COL25A1: variants seen among roughly 807,000 people sequenced by gnomAD.
The protein encoded by COL25A1 is collagen alpha-1(XXV) chain.
Under a neutral mutation model 128.4 loss-of-function variants are expected in COL25A1, and 103 were observed. The ratio of observed to expected loss-of-function variants is 0.80; its 90% confidence interval spans 0.68 to 0.94. The LOEUF (loss-of-function observed/expected upper bound fraction) is 0.94, where lower values mean the gene tolerates loss of function less well. COL25A1 is among the 40% of genes least tolerant of loss of function. The pLI, the probability that COL25A1 is intolerant of heterozygous loss-of-function variation, is 0.00. For missense variants in COL25A1, 745 were observed against 840.0 expected (o/e 0.89, Z 1.40); for synonymous variants, 279 against 277.2 (o/e 1.01, Z -0.06).
At chr4:108,926,040 T>A (rs867271526) in intron 11 of COL25A1, among the ~76,000 whole-genome samples, 1 of 152,300 alleles carries the variant, frequency 6.6e-6, no homozygotes, top group African/African-American at 2.4e-5. Context: ...GGCTGTACTT[T>A]CCAGTTTGTG....
chr4:109,060,820 C>T (rs1402895064), intron 3 of COL25A1, among the ~76,000 whole-genome samples: 1 of 152,116 alleles, frequency 6.6e-6, no homozygotes, highest in Non-Finnish European at 1.5e-5. Context: ...GTCCTTCCCT[C>T]ACATTCTTGT....
chr4:109,016,347 C>T (rs753072079), intron 5 of COL25A1, among the ~76,000 whole-genome samples: 8 of 152,226 alleles, frequency 5.3e-5, no homozygotes, highest in South Asian at 2.1e-4. Flanking sequence ...CTGAGGGCAG[C>T]GCAGTGCAGG....
intron 4 of COL25A1, among the ~76,000 whole-genome samples, chr4:109,049,511 T>G (rs1375101913): frequency 6.6e-6 from 1 of 152,208 alleles, no homozygotes; most frequent in Non-Finnish European, 1.5e-5. Context: ...GTTTCAAGTT[T>G]TGCCTTGGCC....
intron 3 of COL25A1, among the ~76,000 whole-genome samples, chr4:109,254,509 A>ATATACATATACATATATATATATATGTG (rs59126671): frequency 9.6e-6 from 1 of 104,534 alleles, no homozygotes; most frequent in African/African-American, 3.7e-5. Context: ...ATATATATGT[A>ATATACATATACATATATATATATATGTG]TGTGTGTATA....
intron 3 of COL25A1, among the ~76,000 whole-genome samples, chr4:109,274,535 C>G (rs2126268197): frequency 6.6e-6 from 1 of 152,176 alleles, no homozygotes; most frequent in South Asian, 2.1e-4. Context: ...TGTTGAATAT[C>G]TGGAACATAT....
intron 5 of COL25A1, among the ~76,000 whole-genome samples, chr4:109,024,588 A>AT (rs1256939211): frequency 1.3e-5 from 2 of 152,068 alleles, no homozygotes; most frequent in Non-Finnish European, 2.9e-5. Flanking sequence ...ATAAGTAAAT[A>AT]TTTTTATTAT....
At chr4:109,070,543 T>TTTTTTTATTATAC (rs1273536923) in intron 3 of COL25A1, among the ~76,000 whole-genome samples, 2 of 152,180 alleles carry the variant, frequency 1.3e-5, no homozygotes, top group African/African-American at 4.8e-5. Flanking sequence ...CTACTATTTC[T>TTTTTTTATTATAC]TTTTTTATTA....
intron 3 of COL25A1, among the ~76,000 whole-genome samples, chr4:109,245,309 G>T (rs573677800): frequency 6.6e-6 from 1 of 152,160 alleles, no homozygotes; most frequent in South Asian, 2.1e-4. Flanking sequence ...GGTCCTCTGG[G>T]TTGGGACTGG....
chr4:109,253,943 C>G (rs1201837568), intron 3 of COL25A1, among the ~76,000 whole-genome samples: 1 of 151,800 alleles, frequency 6.6e-6, no homozygotes, highest in Non-Finnish European at 1.5e-5. Flanking sequence ...AAAAATTATC[C>G]CGGTGCGGTG....
intron 18 of COL25A1, 21 bp downstream of exon 18, chr4:108,889,200 C>T (rs765317459): frequency 4.4e-6 from 7 of 1,607,064 alleles, no homozygotes; most frequent in Non-Finnish European, 6.0e-6. Context: ...AGTAGGAACA[C>T]ACTAGAGATA....
intron 3 of COL25A1, among the ~76,000 whole-genome samples, chr4:109,272,918 G>A (rs1231277257): frequency 6.6e-6 from 1 of 152,168 alleles, no homozygotes; most frequent in Non-Finnish European, 1.5e-5. Flanking sequence ...ATTAAGTACG[G>A]TGTCAAGTGA....
chr4:109,167,606 T>TA (rs1183924232), intron 3 of COL25A1, among the ~76,000 whole-genome samples: 2 of 152,166 alleles, frequency 1.3e-5, no homozygotes, highest in African/African-American at 4.8e-5. Context: ...TCTATTTTTC[T>TA]AAAATCAGCT....
At chr4:108,994,829 G>T (rs997121933) in intron 6 of COL25A1, among the ~76,000 whole-genome samples, 1 of 152,162 alleles carries the variant, frequency 6.6e-6, no homozygotes, top group African/African-American at 2.4e-5. Context: ...AGGCAAACAG[G>T]GTCTGGAGTG....
chr4:108,895,246 A>T (rs1401888413), intron 16 of COL25A1, among the ~76,000 whole-genome samples: 1 of 152,192 alleles, frequency 6.6e-6, no homozygotes, highest in Non-Finnish European at 1.5e-5. Flanking sequence ...CTATGTTTTT[A>T]TGACTAACCA....
intron 8 of COL25A1, among the ~76,000 whole-genome samples, chr4:108,946,060 A>AT (rs200664199): frequency 2.8e-4 from 42 of 152,162 alleles, no homozygotes; most frequent in African/African-American, 9.6e-4. Context: ...TATAAAACTT[A>AT]TTTTTTTCCC....
chr4:109,268,174 T>C (rs1041104084), intron 3 of COL25A1, among the ~76,000 whole-genome samples: 1 of 152,230 alleles, frequency 6.6e-6, no homozygotes, highest in Non-Finnish European at 1.5e-5. Context: ...ACAATTACTT[T>C]TGTCACAGGT....
chr4:109,034,405 T>C (rs1759149678), intron 5 of COL25A1, among the ~76,000 whole-genome samples: 1 of 152,184 alleles, frequency 6.6e-6, no homozygotes. Context: ...ATATGGAGCA[T>C]TAGAAAAGAT....
At chr4:109,286,348 A>C (rs1351687835) in intron 3 of COL25A1, among the ~76,000 whole-genome samples, 1 of 152,188 alleles carries the variant, frequency 6.6e-6, no homozygotes, top group African/African-American at 2.4e-5. Context: ...CAACAGAAGC[A>C]GCTATAATGT....
chr4:109,153,381 CAAAA>C (rs34880736), intron 3 of COL25A1, among the ~76,000 whole-genome samples: 11 of 115,954 alleles, frequency 9.5e-5, no homozygotes, highest in Non-Finnish European at 5.3e-5. Context: ...AGCTCCATCT[CAAAA>C]AAAAAAAAAA....
Sources: gnomAD v4.1 joint callset for allele counts (sites outside exome capture counted in the v4.1 genomes callset) on GRCh38, gnomAD v4.1.1 for gene constraint, MANE v1.5 for transcripts, NCBI Gene and HGNC (gene_info 2026-07-23, HGNC 2026-07-21) for gene names.